The following L3HYPDH variants were observed in gnomAD, a reference collection of about 807,000 sequenced individuals.
L3HYPDH encodes the protein trans-3-hydroxy-L-proline dehydratase.
A neutral mutation model predicts 26.5 loss-of-function variants in L3HYPDH; 32 were observed. The ratio of observed to expected loss-of-function variants is 1.21; its 90% CI spans 0.91 to 1.62. The LOEUF (loss-of-function observed/expected upper bound fraction) is 1.62. L3HYPDH is among the 40% of genes most tolerant of loss of function. The pLI, the probability that L3HYPDH is intolerant of heterozygous loss-of-function variation, is 0.00. For missense variants in L3HYPDH, 554 were observed against 476.4 expected (o/e 1.16, Z -1.52); for synonymous variants, 215 against 196.6 (o/e 1.09, Z -0.78).
intron 1 of L3HYPDH, among the ~76,000 whole-genome samples, chr14:59,479,567 T>C (rs1889871795): frequency 6.6e-6 from 1 of 152,194 alleles, no homozygotes; most frequent in Admixed American, 6.5e-5. Flanking sequence ...TTGCAGAAGT[T>C]ATAAACTAAA....
the L3HYPDH span, among the ~76,000 whole-genome samples, chr14:59,494,063 A>G: frequency 1.3e-5 from 2 of 152,174 alleles, no homozygotes; most frequent in Admixed American, 6.5e-5. Context: ...AATCTCTTCT[A>G]GGTGAATTAA....
upstream of L3HYPDH, among the ~76,000 whole-genome samples, chr14:59,488,075 C>G (rs1890715425): frequency 6.6e-6 from 1 of 151,984 alleles, no homozygotes; most frequent in Non-Finnish European, 1.5e-5. Context: ...TACTTCTCAA[C>G]TATAATCCTT....
chr14:59,468,470 T>C (rs1451925535), downstream of L3HYPDH, among the ~76,000 whole-genome samples: 1 of 152,156 alleles, frequency 6.6e-6, no homozygotes. Context: ...TTCCCTTCCC[T>C]AGCATCCCCA....
At chr14:59,479,744 T>G (rs1175541807) in intron 1 of L3HYPDH, among the ~76,000 whole-genome samples, 1 of 152,236 alleles carries the variant, frequency 6.6e-6, no homozygotes, top group Non-Finnish European at 1.5e-5. Flanking sequence ...TTTAAAATAG[T>G]GAGGGTCTTG....
chr14:59,488,976 G>T (rs61026640), upstream of L3HYPDH, among the ~76,000 whole-genome samples: 1 of 152,226 alleles, frequency 6.6e-6, no homozygotes, highest in African/African-American at 2.4e-5. Flanking sequence ...CTCTGGGCCT[G>T]TGGTCGGACA....
At chr14:59,474,098 CT>C (rs1172316850) in intron 4 of L3HYPDH, among the ~76,000 whole-genome samples, 1 of 152,086 alleles carries the variant, frequency 6.6e-6, no homozygotes, top group Non-Finnish European at 1.5e-5. Context: ...AATACTTTAT[CT>C]TTTTATATCT....
At chr14:59,504,122 A>C in the L3HYPDH span, 1 of 1,113,094 alleles carries the variant, frequency 9.0e-7, no homozygotes, top group East Asian at 2.4e-5. Context: ...CTAATAAAAA[A>C]GTAAATCAAT....
At chr14:59,468,898 T>A (rs1889252174), downstream of L3HYPDH, among the ~76,000 whole-genome samples, 1 of 151,890 alleles carries the variant, frequency 6.6e-6, no homozygotes, top group Non-Finnish European at 1.5e-5. Context: ...TAGATTAGGG[T>A]AGGTAGTATA....
At chr14:59,479,859 C>T (rs1889890208) in intron 1 of L3HYPDH, among the ~76,000 whole-genome samples, 1 of 152,176 alleles carries the variant, frequency 6.6e-6, no homozygotes, top group Non-Finnish European at 1.5e-5. Context: ...ATGTTTTCAT[C>T]TCCTTAAGGT....
At chr14:59,479,047 G>T in intron 2 of L3HYPDH, 135 bp downstream of exon 2, 1 of 685,462 alleles carries the variant, frequency 1.5e-6, no homozygotes, top group Non-Finnish European at 2.2e-6. Context: ...TAGAGCCTAA[G>T]ATTTTAATAA....
At chr14:59,503,740 TTA>T in the L3HYPDH span, 1 of 655,928 alleles carries the variant, frequency 1.5e-6, no homozygotes, top group East Asian at 3.0e-5. Flanking sequence ...CTCAAACATT[TTA>T]TGATTCTGAG....
downstream of L3HYPDH, among the ~76,000 whole-genome samples, chr14:59,469,678 G>A (rs1009500433): frequency 7.9e-5 from 12 of 151,380 alleles, no homozygotes; most frequent in South Asian, 2.1e-3. Context: ...GACAAAGATT[G>A]TGAATAGGAG....
the L3HYPDH span, chr14:59,504,010 T>C: frequency 1.2e-6 from 2 of 1,613,836 alleles, no homozygotes; most frequent in East Asian, 2.2e-5. Context: ...CCTTTTTTAC[T>C]TGTTCACTGC....
intron 1 of L3HYPDH, among the ~76,000 whole-genome samples, chr14:59,481,669 C>T (rs779040488): frequency 4.6e-5 from 7 of 152,166 alleles, no homozygotes; most frequent in Non-Finnish European, 8.8e-5. Flanking sequence ...AGGCTTTTCC[C>T]CTTCTTGGAG....
At chr14:59,478,469 A>G (rs939316408) in intron 2 of L3HYPDH, among the ~76,000 whole-genome samples, 2 of 152,140 alleles carry the variant, frequency 1.3e-5, no homozygotes, top group Non-Finnish European at 2.9e-5. Flanking sequence ...CTGTGGTCCC[A>G]GTTACTCTGG....
chr14:59,490,109 A>T, the L3HYPDH span, among the ~76,000 whole-genome samples: 1 of 151,856 alleles, frequency 6.6e-6, no homozygotes, highest in East Asian at 1.9e-4. Context: ...TTTTGTAGAG[A>T]CAGGGTCTCT....
chr14:59,479,942 TTTTA>T (rs1889896628), intron 1 of L3HYPDH, among the ~76,000 whole-genome samples: 2 of 152,208 alleles, frequency 1.3e-5, no homozygotes, highest in African/African-American at 4.8e-5. Context: ...GCACCAGGGT[TTTTA>T]TTTGAGCATT....
At chr14:59,466,814 A>T (rs1448940302) in intron 1 of L3HYPDH, among the ~76,000 whole-genome samples, 3 of 152,150 alleles carry the variant, frequency 2.0e-5, no homozygotes, top group African/African-American at 7.2e-5. Context: ...GGGGCCATCT[A>T]TACATTGTAT....
At chr14:59,485,352 C>A, upstream of L3HYPDH, 1 of 423,698 alleles carries the variant, frequency 2.4e-6, no homozygotes, top group Non-Finnish European at 4.0e-6. Context: ...AAAAAATAAG[C>A]GCCCATTAAA....
Sources: allele counts gnomAD v4.1 joint callset (sites outside exome capture counted in the v4.1 genomes callset), GRCh38; gene constraint gnomAD v4.1.1; transcripts MANE v1.5; gene names NCBI Gene and HGNC (gene_info 2026-07-23, HGNC 2026-07-21).